ATP2C1: variants seen among roughly 807,000 people sequenced by gnomAD.
The protein encoded by ATP2C1 is calcium-transporting ATPase type 2C member 1.
Under a neutral mutation model 120.5 loss-of-function variants are expected in ATP2C1, and 31 were observed. The ratio of observed to expected loss-of-function variants is 0.26; its 90% CI spans 0.19 to 0.35. ATP2C1 has a LOEUF of 0.35. ATP2C1 is among the 10% of genes least tolerant of loss of function. The probability of loss-of-function intolerance (pLI) is 1.00; values close to 1 mark genes in which losing one functional copy is unlikely to be tolerated. For missense variants in ATP2C1, 731 were observed against 1,107.5 expected, an observed-to-expected ratio of 0.66 and a Z score of 4.83; for synonymous variants, 351 against 358.7, an observed-to-expected ratio of 0.98 and a Z score of 0.24.
intron 5 of ATP2C1, among the ~76,000 whole-genome samples, chr3:130,935,390 T>A (rs1270516974): frequency 6.6e-6 from 1 of 152,246 alleles, no homozygotes; most frequent in Non-Finnish European, 1.5e-5. Flanking sequence ...TATATATGAT[T>A]TTATTCTTTC....
At chr3:130,918,556 G>C (rs1266149693) in intron 2 of ATP2C1, 1 of 743,184 alleles carries the variant, frequency 1.3e-6, no homozygotes, top group African/African-American at 1.7e-5. Flanking sequence ...CACGGTCCAT[G>C]TTAAGTATGC....
chr3:130,907,271 T>C (rs1328822788), intron 2 of ATP2C1, among the ~76,000 whole-genome samples: 1 of 152,110 alleles, frequency 6.6e-6, no homozygotes, highest in Non-Finnish European at 1.5e-5. Context: ...TTCTGAATGG[T>C]ATCCTCTACA....
At chr3:131,009,847 T>A (rs1207113415) in intron 26 of ATP2C1, among the ~76,000 whole-genome samples, 1 of 152,186 alleles carries the variant, frequency 6.6e-6, no homozygotes, top group African/African-American at 2.4e-5. Flanking sequence ...AAATGTGTCA[T>A]TAAGACATTA....
At chr3:130,989,344 C>T (rs1255855336) in intron 20 of ATP2C1, among the ~76,000 whole-genome samples, 2 of 150,816 alleles carry the variant, frequency 1.3e-5, no homozygotes, top group Non-Finnish European at 2.9e-5. Flanking sequence ...GTGGGCAGAT[C>T]ATCTGAGGTT....
chr3:130,953,836 A>G lies in ATP2C1; in HGVS notation c.547A>G (p.Ile183Val). The G allele has an allele frequency of 6.2e-7, 1 of 1,614,072 alleles. No homozygotes were observed. The highest frequency in any genetic ancestry group is 8.5e-7 in the Non-Finnish European group (1 of 1,179,962). ...GTTCCCTAAGGCTGTGGATCTTTCC[A>G]TTGATGAGTCCAGCTTGACAGGTGA... ...LRLFEAVDLSIDESSLTGETT... is the reference protein window; with the variant it reads ...LRLFEAVDLSVDESSLTGETT... Residue 183 changes from isoleucine (I) to valine (V), a missense_variant, in exon 9 of 28, where the codon ATT becomes GTT. This residue lies in a region of ATP2C1 where 571 missense variants were observed against 845.9 expected (regional missense o/e 0.67). Coordinates refer to ENST00000510168, the MANE Select transcript of ATP2C1 (RefSeq NM_001378687.1).
At chr3:130,899,721 G>A (rs955095667) in intron 2 of ATP2C1, 6 of 152,108 alleles carry the variant, frequency 3.9e-5, no homozygotes, top group African/African-American at 1.4e-4. Context: ...CCTGTGATGT[G>A]TTTAGAAAAA....
At chr3:130,946,705 A>G (rs1354908188) in intron 8 of ATP2C1, among the ~76,000 whole-genome samples, 1 of 152,248 alleles carries the variant, frequency 6.6e-6, no homozygotes, top group Non-Finnish European at 1.5e-5. Flanking sequence ...ATACTCTGGT[A>G]AAACCCAGGT....
At chr3:130,957,277 A>G (rs1192005017) in intron 11 of ATP2C1, among the ~76,000 whole-genome samples, 5 of 152,122 alleles carry the variant, frequency 3.3e-5, no homozygotes, top group Non-Finnish European at 1.5e-5. Flanking sequence ...GTTTATAAGA[A>G]CATTTATTAA....
chr3:130,987,094 A>G (rs1034975700), intron 20 of ATP2C1, among the ~76,000 whole-genome samples: 1 of 150,470 alleles, frequency 6.6e-6, no homozygotes, highest in Non-Finnish European at 1.5e-5. Context: ...GCTCACCACT[A>G]TGCTTGGGTA....
chr3:130,889,036 T>C (rs899412993), intron 1 of ATP2C1, among the ~76,000 whole-genome samples: 6 of 152,200 alleles, frequency 3.9e-5, no homozygotes, highest in Non-Finnish European at 8.8e-5. Context: ...ACCCAATTAT[T>C]CCAGTTCCGG....
chr3:130,933,570 A>T (rs190809865), intron 4 of ATP2C1, among the ~76,000 whole-genome samples: 1 of 152,334 alleles, frequency 6.6e-6, no homozygotes, highest in Non-Finnish European at 1.5e-5. Context: ...TGACTCAGTC[A>T]GGTTTGTGGT....
At chr3:130,993,487 T>C (rs571897612) in intron 21 of ATP2C1, among the ~76,000 whole-genome samples, 2 of 152,338 alleles carry the variant, frequency 1.3e-5, no homozygotes, top group East Asian at 3.9e-4. Context: ...TTTCTCAACC[T>C]TGGCACCATT....
intron 2 of ATP2C1, among the ~76,000 whole-genome samples, chr3:130,920,911 A>G (rs2058928810): frequency 6.6e-6 from 1 of 152,090 alleles, no homozygotes; most frequent in African/African-American, 2.4e-5. Flanking sequence ...ATTCCTAGGT[A>G]GTTAATTTTT....
intron 2 of ATP2C1, among the ~76,000 whole-genome samples, chr3:130,926,734 C>T (rs2059224783): frequency 1.3e-5 from 2 of 152,246 alleles, no homozygotes; most frequent in Non-Finnish European, 1.5e-5. Flanking sequence ...TCTCTCAGCC[C>T]TTGGGCGTCG....
intron 1 of ATP2C1, among the ~76,000 whole-genome samples, chr3:130,870,074 T>C (rs898781118): frequency 1.3e-5 from 2 of 152,212 alleles, no homozygotes; most frequent in Non-Finnish European, 2.9e-5. Context: ...AAATCTACTT[T>C]GCTTGTGCTC....
chr3:130,864,749 C>A (rs1357983003), intron 1 of ATP2C1, among the ~76,000 whole-genome samples: 2 of 152,216 alleles, frequency 1.3e-5, no homozygotes, highest in Admixed American at 1.3e-4. Flanking sequence ...TGTTGTTGAG[C>A]CTGTGAATGC....
At chr3:130,970,005 G>T (rs539559676) in intron 17 of ATP2C1, among the ~76,000 whole-genome samples, 1 of 152,270 alleles carries the variant, frequency 6.6e-6, no homozygotes, top group Admixed American at 6.5e-5. Context: ...GCTTGATGAT[G>T]AAACTTAACT....
chr3:130,967,298 A>T, intron 15 of ATP2C1, 32 bp from the exon 16 acceptor site: 1 of 1,612,072 alleles, frequency 6.2e-7, no homozygotes, highest in Non-Finnish European at 8.5e-7. Flanking sequence ...AGACACAGTG[A>T]TAGGTTCATA....
intron 1 of ATP2C1, among the ~76,000 whole-genome samples, chr3:130,869,864 T>C (rs1559872927): frequency 6.6e-6 from 1 of 152,222 alleles, no homozygotes; most frequent in African/African-American, 2.4e-5. Context: ...CAAGGAGTGA[T>C]GGAGAAGTGG....
Sources: gnomAD v4.1 joint callset for allele counts (sites outside exome capture counted in the v4.1 genomes callset) on GRCh38, gnomAD v4.1.1 for gene constraint, gnomAD v4.1.1 regional missense constraint, MANE v1.5 for transcripts, NCBI Gene and HGNC (gene_info 2026-07-23, HGNC 2026-07-21) for gene names.